Variants in FHOD3 observed in about 807,000 individuals in gnomAD.
FHOD3 encodes the protein FH1/FH2 domain-containing protein 3.
FHOD3 carries 90 observed loss-of-function variants against 173.0 expected under a neutral mutation model. The ratio of observed to expected loss-of-function variants is 0.52; its 90% confidence interval spans 0.44 to 0.62. FHOD3 has a LOEUF of 0.62. Ranked by LOEUF, FHOD3 falls within the 20% of genes least tolerant of loss-of-function variation. FHOD3 has a pLI of 0.00. For synonymous variants in FHOD3, 828 were observed against 823.0 expected (o/e 1.01, Z -0.10); for missense variants, 1,945 against 2,034.7 (o/e 0.96, Z 0.85).
At chr18:36,380,251 A>G (rs2047669589) in intron 3 of FHOD3, among the ~76,000 whole-genome samples, 1 of 152,226 alleles carries the variant, frequency 6.6e-6, no homozygotes, top group African/African-American at 2.4e-5. Context: ...TTATTTTAGG[A>G]TAATTGAAAA....
chr18:36,730,600 C>A (rs763623000), intron 19 of FHOD3, 46 bp from the exon 20 acceptor site: 8 of 1,582,572 alleles, frequency 5.1e-6, no homozygotes, highest in Non-Finnish European at 6.0e-6. Flanking sequence ...GCAGAAAGGA[C>A]CCAAGATGAT....
At chr18:36,404,800 T>C (rs2048981746) in intron 3 of FHOD3, among the ~76,000 whole-genome samples, 1 of 152,204 alleles carries the variant, frequency 6.6e-6, no homozygotes, top group Non-Finnish European at 1.5e-5. Flanking sequence ...TGCTTGCTGT[T>C]CTTATGGTGT....
chr18:36,633,875 T>C (rs2034686936), intron 10 of FHOD3, among the ~76,000 whole-genome samples: 1 of 152,186 alleles, frequency 6.6e-6, no homozygotes, highest in African/African-American at 2.4e-5. Context: ...GATTTGCTTG[T>C]TTTTCTCATA....
At chr18:36,314,741 C>T (rs973448188) in intron 1 of FHOD3, among the ~76,000 whole-genome samples, 1 of 152,144 alleles carries the variant, frequency 6.6e-6, no homozygotes, top group African/African-American at 2.4e-5. Flanking sequence ...TGGGGACCTG[C>T]CTCAAATGAA....
intron 10 of FHOD3, among the ~76,000 whole-genome samples, chr18:36,627,473 A>G (rs999916907): frequency 1.6e-4 from 24 of 152,208 alleles, no homozygotes; most frequent in African/African-American, 5.8e-4. Context: ...CACGGTTCAC[A>G]GTCTTGAAGT....
intron 28 of FHOD3, among the ~76,000 whole-genome samples, chr18:36,776,220 G>T (rs1185247734): frequency 2.0e-5 from 3 of 149,854 alleles, no homozygotes; most frequent in Non-Finnish European, 4.4e-5. Flanking sequence ...AACTTTCTGA[G>T]AGCCAGCTCC....
intron 2 of FHOD3, among the ~76,000 whole-genome samples, chr18:36,362,492 CCA>C (rs1280043967): frequency 1.3e-5 from 2 of 152,172 alleles, no homozygotes; most frequent in Non-Finnish European, 2.9e-5. Context: ...TTATGGCAAG[CCA>C]CACACAAGGT....
chr18:36,535,363 T>C (rs9960028), intron 5 of FHOD3, among the ~76,000 whole-genome samples: 40,816 of 152,132 alleles, frequency 0.27, 5,621 homozygotes, highest in Admixed American at 0.31. Flanking sequence ...TGGGCAAAGC[T>C]TCCATCCCTT....
At chr18:36,750,679 G>A (rs1368187040) in intron 24 of FHOD3, among the ~76,000 whole-genome samples, 1 of 152,170 alleles carries the variant, frequency 6.6e-6, no homozygotes, top group African/African-American at 2.4e-5. Context: ...ATGGTGTAAG[G>A]AAAGTGTCCA....
chr18:36,614,595 C>A (rs2033014890), intron 9 of FHOD3, among the ~76,000 whole-genome samples: 1 of 152,048 alleles, frequency 6.6e-6, no homozygotes, highest in South Asian at 2.1e-4. Context: ...AATGGCTGTC[C>A]CATTTTATAT....
At chr18:36,686,661 G>T (rs1380345491) in intron 15 of FHOD3, among the ~76,000 whole-genome samples, 1 of 151,562 alleles carries the variant, frequency 6.6e-6, no homozygotes, top group Non-Finnish European at 1.5e-5. Flanking sequence ...AAAATCCTGG[G>T]TTGTGGAAGG....
chr18:36,769,502 G>A (rs2050767593), intron 28 of FHOD3, 76 bp downstream of exon 28: 1 of 1,513,584 alleles, frequency 6.6e-7, no homozygotes, highest in Non-Finnish European at 8.9e-7. Flanking sequence ...ACTGGGAAAG[G>A]TGGAGACACA....
intron 27 of FHOD3, among the ~76,000 whole-genome samples, chr18:36,763,248 C>T (rs1001110585): frequency 1.4e-5 from 2 of 145,848 alleles, no homozygotes; most frequent in Admixed American, 6.9e-5. Flanking sequence ...GTATTATACA[C>T]GTTATATACA....
chr18:36,776,311 C>T (rs968729442), intron 28 of FHOD3, among the ~76,000 whole-genome samples: 1 of 152,112 alleles, frequency 6.6e-6, no homozygotes, highest in Non-Finnish European at 1.5e-5. Context: ...TCCCCAGAGG[C>T]TCCCATCGCA....
chr18:36,625,651 G>A lies in FHOD3; in HGVS notation c.1098G>A (p.Ser366=), dbSNP rs771725122. 75 of 1,610,318 alleles carry A rather than the reference G, an allele frequency of 4.7e-5. No individual in the cohort carries two copies. The highest frequency in any genetic ancestry group is 3.3e-4 in the Middle Eastern group (2 of 6,076). Residue 366 remains serine, a synonymous_variant, in exon 10 of 29, where the codon TCG becomes TCA. Transcript: ENST00000590592. ...GLDRRRSRRH[S]VQSIKSTLSA... ...ACCGCAGAAGGAGCCGCAGGCACTC[G>A]GTGCAGAGCATCAAGAGCACCCTGT... is the stretch of plus-strand genomic sequence containing the variant.
rs767885944 is a variant in FHOD3, at chr18:36,576,559, A to G, written c.606+14A>G. Reference sequence around the variant, plus strand: ...ATTGGGTCAAAGGTAAGGGGAAGTTATGGTTGACTGTTTTGTTCACTTGTC... The same window carrying G: ...ATTGGGTCAAAGGTAAGGGGAAGTTGTGGTTGACTGTTTTGTTCACTTGTC... On this transcript the variant is annotated intron_variant, in intron 6 of 28. Transcript: ENST00000590592. 7 of 1,595,454 alleles carry G rather than the reference A, an allele frequency of 4.4e-6. No homozygotes were observed. In the East Asian group the frequency reaches 1.6e-4, roughly 36 times the overall value.
intron 3 of FHOD3, among the ~76,000 whole-genome samples, chr18:36,477,537 A>AT (rs2053643507): frequency 2.8e-5 from 1 of 35,286 alleles, no homozygotes; most frequent in Non-Finnish European, 5.5e-5. Context: ...CCACCCACCC[A>AT]CCCACCCACC....
chr18:36,700,890 CT>C (rs1209328877), intron 17 of FHOD3, among the ~76,000 whole-genome samples: 1 of 152,214 alleles, frequency 6.6e-6, no homozygotes, highest in Non-Finnish European at 1.5e-5. Flanking sequence ...TGGGTGCCCC[CT>C]GGACTCTTCA....
At position 36,718,840 on chromosome 18, in the gene FHOD3, T is replaced by G. The variant is rs1034848845; in HGVS notation, c.3417+125T>G. On this transcript the variant is annotated intron_variant, in intron 19 of 28. Coordinates refer to ENST00000590592, the MANE Select transcript of FHOD3 (RefSeq NM_001281740.3). ...GTAAAAAGTCCATTGGTATGAAAATTTGATCTTTAATATAGTGTTCCTTCT... is the reference window on the plus strand; with the variant it reads ...GTAAAAAGTCCATTGGTATGAAAATGTGATCTTTAATATAGTGTTCCTTCT... 1.7e-5 allele frequency: 25 copies of G among 1,468,922 alleles called. No individual in the cohort carries two copies. In the African/African-American group the frequency reaches 3.0e-4, roughly 17 times the overall value. The allele number at this position is 1,468,922 out of a possible 1,614,324, so 91.0% of individuals were successfully genotyped here. A position where few individuals can be genotyped will look rare whatever the true frequency, so the allele number is the denominator to read the frequency against.
Sources: gnomAD v4.1 joint callset for allele counts (sites outside exome capture counted in the v4.1 genomes callset) on GRCh38, gnomAD v4.1.1 for gene constraint, MANE v1.5 for transcripts, NCBI Gene and HGNC (gene_info 2026-07-23, HGNC 2026-07-21) for gene names.